AUTS2: variants seen among roughly 807,000 people sequenced by gnomAD.
AUTS2 encodes the protein autism susceptibility gene 2 protein.
Under a neutral mutation model 112.4 loss-of-function variants are expected in AUTS2, and 17 were observed. The observed-to-expected ratio is 0.15, with a 90% CI of 0.10 to 0.23. AUTS2 has a LOEUF of 0.23. AUTS2 is among the 10% of genes least tolerant of loss of function. AUTS2 has a pLI of 1.00. For missense variants in AUTS2, 1,510 were observed against 1,701.6 expected (o/e 0.89, Z 1.98); for synonymous variants, 751 against 702.7 (o/e 1.07, Z -1.09).
chr7:70,135,028 G>GAA lies in AUTS2; in HGVS notation c.660+457_660+458insAA, dbSNP rs1562727450. ...ATGGAGATGGTATTTTTTAATGAATGTTTTCCCTCACAGTCTGGGTAGTTT... is the reference window on the plus strand; with the variant it reads ...ATGGAGATGGTATTTTTTAATGAATGAATTTTCCCTCACAGTCTGGGTAGTTT... On this transcript the variant is annotated intron_variant, in intron 4 of 18. Coordinates refer to ENST00000342771, the MANE Select transcript of AUTS2 (RefSeq NM_015570.4). 2.6e-5 allele frequency among the ~76,000 whole-genome samples: 4 copies of GAA among 152,214 alleles called. No homozygotes were observed. The East Asian group carries it at 5.8e-4, about 22-fold the overall frequency.
chr7:69,799,205 G>A (rs973234755), intron 1 of AUTS2, among the ~76,000 whole-genome samples: 1 of 152,040 alleles, frequency 6.6e-6, no homozygotes, highest in African/African-American at 2.4e-5. Context: ...ATCTCCTGTG[G>A]CACTTATTAA....
chr7:70,544,287 C>T (rs1800679490), intron 5 of AUTS2, among the ~76,000 whole-genome samples: 1 of 152,190 alleles, frequency 6.6e-6, no homozygotes, highest in Non-Finnish European at 1.5e-5. Context: ...TATGTCTTTT[C>T]TGCTTTAGGA....
rs151160245 is a variant in AUTS2, at chr7:70,136,053, A to C, written c.660+1482A>C. 1.5e-3 allele frequency among the ~76,000 whole-genome samples: 232 copies of C among 152,244 alleles called. 1 individual carries two copies. The highest frequency in any genetic ancestry group is 4.7e-3 in the African/African-American group (195 of 41,544). ...TCAGTAGGATCACCCTGAAAGAAGAAAGTCATTTCTAGAAACATTGAGATT... is the reference window on the plus strand; with the variant it reads ...TCAGTAGGATCACCCTGAAAGAAGACAGTCATTTCTAGAAACATTGAGATT... On this transcript the variant is annotated intron_variant, in intron 4 of 18. Transcript: ENST00000342771.
chr7:70,661,107 C>T (rs771536073), intron 5 of AUTS2, among the ~76,000 whole-genome samples: 19 of 151,634 alleles, frequency 1.3e-4, no homozygotes, highest in East Asian at 1.9e-4. Flanking sequence ...ACTCCAGAGC[C>T]GGCATTTGAA....
chr7:70,191,852 G>C (rs1372858920), intron 4 of AUTS2, among the ~76,000 whole-genome samples: 3 of 151,924 alleles, frequency 2.0e-5, no homozygotes, highest in Non-Finnish European at 4.4e-5. Flanking sequence ...CTTGGGGTTA[G>C]GAGTTTAAAA....
chr7:70,748,009 T>C lies in AUTS2; in HGVS notation c.743-14861T>C, dbSNP rs1391515024. Reference sequence around the variant, plus strand: ...GCCAATTTTTTTTTTTTTTTTTTTTTAGTAGAGATGGGGTTTCACCATGTT... The same window carrying C: ...GCCAATTTTTTTTTTTTTTTTTTTTCAGTAGAGATGGGGTTTCACCATGTT... On this transcript the variant is annotated intron_variant, in intron 6 of 18. Coordinates refer to ENST00000342771, the MANE Select transcript of AUTS2 (RefSeq NM_015570.4). Among the ~76,000 whole-genome samples, 5 of 146,104 alleles carry C rather than the reference T, an allele frequency of 3.4e-5. No individual in the cohort carries two copies. The East Asian group carries it at 1.0e-3, about 30-fold the overall frequency.
intron 2 of AUTS2, among the ~76,000 whole-genome samples, chr7:70,037,828 A>G (rs1215656397): frequency 1.3e-5 from 2 of 152,198 alleles, no homozygotes; most frequent in Non-Finnish European, 2.9e-5. Flanking sequence ...AGGATTAAAT[A>G]ATATATTACA....
At chr7:70,144,197 T>C (rs1223798638) in intron 4 of AUTS2, among the ~76,000 whole-genome samples, 4 of 152,118 alleles carry the variant, frequency 2.6e-5, no homozygotes, top group Non-Finnish European at 5.9e-5. Flanking sequence ...TACTTTTTCC[T>C]ACCTTTGTGG....
At chr7:70,483,349 C>G (rs973974890) in intron 5 of AUTS2, among the ~76,000 whole-genome samples, 5 of 152,324 alleles carry the variant, frequency 3.3e-5, no homozygotes, top group Non-Finnish European at 7.3e-5. Flanking sequence ...TTGAGAAGTT[C>G]CTGACTTTCC....
At chr7:70,181,357 G>A (rs78034146) in intron 4 of AUTS2, among the ~76,000 whole-genome samples, 58 of 152,252 alleles carry the variant, frequency 3.8e-4, no homozygotes, top group Non-Finnish European at 7.4e-4. Context: ...AAAACAAGTC[G>A]TATCTTGAAG....
intron 1 of AUTS2, among the ~76,000 whole-genome samples, chr7:69,601,178 C>A (rs1792387411): frequency 6.6e-6 from 1 of 152,110 alleles, no homozygotes; most frequent in Admixed American, 6.6e-5. Context: ...TGAGATTCTG[C>A]AGAGTTGGTC....
At chr7:70,043,118 C>G (rs1801317879) in intron 2 of AUTS2, among the ~76,000 whole-genome samples, 1 of 151,904 alleles carries the variant, frequency 6.6e-6, no homozygotes, top group Admixed American at 6.6e-5. Context: ...TTTAAAGAAC[C>G]TTTCCTGACT....
chr7:69,744,212 C>T (rs552498379), intron 1 of AUTS2, among the ~76,000 whole-genome samples: 5 of 152,260 alleles, frequency 3.3e-5, no homozygotes, highest in East Asian at 1.9e-4. Flanking sequence ...GTTCTGCTGG[C>T]GATGGCTTTT....
intron 1 of AUTS2, among the ~76,000 whole-genome samples, chr7:69,755,525 C>T (rs1041805481): frequency 6.6e-6 from 1 of 152,076 alleles, no homozygotes; most frequent in Non-Finnish European, 1.5e-5. Flanking sequence ...CTCTACGCTT[C>T]CTTTTTCTGT....
intron 1 of AUTS2, among the ~76,000 whole-genome samples, chr7:69,747,321 G>C (rs1787537270): frequency 6.6e-6 from 1 of 152,216 alleles, no homozygotes; most frequent in African/African-American, 2.4e-5. Flanking sequence ...GATGTAGCTT[G>C]AACTCTGAGT....
intron 6 of AUTS2, among the ~76,000 whole-genome samples, chr7:70,762,338 C>T (rs980464083): frequency 3.9e-5 from 6 of 152,094 alleles, no homozygotes; most frequent in Admixed American, 2.6e-4. Context: ...AGTCTCGCTA[C>T]GTTGCCCAGG....
rs559434787 is a variant in AUTS2 at position 70,746,721 on chromosome 7, G to C, written c.743-16149G>C. 2.6e-4 allele frequency among the ~76,000 whole-genome samples: 39 copies of C among 152,120 alleles called. No homozygotes were observed. In the East Asian group the frequency reaches 6.4e-3, roughly 25 times the overall value. ...GGACGGTGGCTGAAGGAGAGGGAGA[G>C]GGGGGCAGGCCTTGATGAGGAGTTG... On this transcript the variant is annotated intron_variant, in intron 6 of 18. Coordinates refer to ENST00000342771, the MANE Select transcript of AUTS2 (RefSeq NM_015570.4).
chr7:69,730,599 T>A (rs1263447241), intron 1 of AUTS2, among the ~76,000 whole-genome samples: 2 of 152,222 alleles, frequency 1.3e-5, no homozygotes, highest in African/African-American at 4.8e-5. Flanking sequence ...AGTCAGTGTT[T>A]GCTCATCTAT....
chr7:69,742,284 T>C (rs904339991), intron 1 of AUTS2, among the ~76,000 whole-genome samples: 3 of 152,182 alleles, frequency 2.0e-5, no homozygotes, highest in Admixed American at 2.0e-4. Flanking sequence ...TGCTCTTTTT[T>C]GTTTATCATA....
Sources: allele counts gnomAD v4.1 joint callset (sites outside exome capture counted in the v4.1 genomes callset), GRCh38; gene constraint gnomAD v4.1.1; transcripts MANE v1.5; gene names NCBI Gene and HGNC (gene_info 2026-07-23, HGNC 2026-07-21).